Variants in MIGA2 observed in about 807,000 individuals in gnomAD.
MIGA2 encodes mitoguardin 2, also known as family with sequence similarity 73, member B.
Under a neutral mutation model 69.9 loss-of-function variants are expected in MIGA2, and 36 were observed. The ratio of observed to expected loss-of-function variants is 0.52; its 90% CI spans 0.39 to 0.68. The LOEUF is 0.68. Among genes scored for constraint, MIGA2 ranks in the 30% least tolerant of loss-of-function variants. MIGA2 has a pLI of 0.00. For synonymous variants in MIGA2, 333 were observed against 349.2 expected (o/e 0.95, Z 0.52); for missense variants, 660 against 787.7 (o/e 0.84, Z 1.94).
intron 4 of MIGA2, among the ~76,000 whole-genome samples, chr9:129,048,740 A>C (rs748614179): frequency 3.2e-4 from 49 of 152,172 alleles, no homozygotes; most frequent in Admixed American, 7.2e-4. Flanking sequence ...GCTGGTGCAG[A>C]GGAGAGAAAC....
intron 1 of MIGA2, among the ~76,000 whole-genome samples, chr9:129,037,659 C>A (rs1844666436): frequency 6.6e-6 from 1 of 152,140 alleles, no homozygotes; most frequent in Non-Finnish European, 1.5e-5. Context: ...ACAGCAGGGG[C>A]TGCTCTGGAC....
In MIGA2 at chr9:129,070,267, G is replaced by C. The variant is rs1029052484; in HGVS notation, c.1596G>C (p.Leu532=). Residue 532 remains leucine, a synonymous_variant, in exon 16 of 16, where the codon CTG becomes CTC. Transcript: ENST00000684074. The part of the protein sequence containing the change: ...AFFKHQIVQY[L]RDMFDLDNVR... Reference sequence around the variant, plus strand: ...CCCAGCACCAGATTGTGCAGTACCTGAGGGACATGTTCGACCTGGACAATG... The same window carrying C: ...CCCAGCACCAGATTGTGCAGTACCTCAGGGACATGTTCGACCTGGACAATG... 1.1e-5 allele frequency: 18 copies of C among 1,613,032 alleles called. No individual in the cohort carries two copies. Among genetic ancestry groups the C allele is most frequent in the Non-Finnish European group, 1.5e-5 (18 of 1,179,978 alleles).
chr9:129,039,092 A>G (rs1208078410), intron 1 of MIGA2, among the ~76,000 whole-genome samples: 1 of 150,684 alleles, frequency 6.6e-6, no homozygotes, highest in Non-Finnish European at 1.5e-5. Context: ...ACCCCAGCCA[A>G]CCTCACAAAA....
At chr9:129,040,246 G>T (rs1211129923) in intron 1 of MIGA2, among the ~76,000 whole-genome samples, 1 of 152,206 alleles carries the variant, frequency 6.6e-6, no homozygotes, top group Non-Finnish European at 1.5e-5. Context: ...GTTTCCGCTC[G>T]CAGGGCCCCT....
At chr9:129,056,243 T>C (rs894187141) in intron 6 of MIGA2, among the ~76,000 whole-genome samples, 10 of 152,204 alleles carry the variant, frequency 6.6e-5, no homozygotes, top group Admixed American at 5.9e-4. Flanking sequence ...ACATTAAATG[T>C]TGCACGTGGC....
rs1186572660 is a variant in MIGA2 at position 129,069,141 on chromosome 9, G to A, written c.1458+12G>A. On this transcript the variant is annotated intron_variant, in intron 14 of 15. Transcript: ENST00000684074. This position sits in a 1 kb window ranked among gnomAD's most constrained non-coding sequence, Gnocchi z 4.9. ...GGAGGCTGCTGATGGTGAGTGACTG[G>A]CAGGCCCGGGGGAGCACGAGCTGGG... 1.9e-6 allele frequency: 3 copies of A among 1,613,748 alleles called. No individual in the cohort carries two copies. The African/African-American group carries it at 4.0e-5, about 22-fold the overall frequency.
At chr9:129,048,859 TAG>T (rs993958092) in intron 4 of MIGA2, among the ~76,000 whole-genome samples, 3 of 152,022 alleles carry the variant, frequency 2.0e-5, no homozygotes, top group Non-Finnish European at 4.4e-5. Context: ...ACTGGAGGTG[TAG>T]AGATAAACAA....
At position 129,060,045 on chromosome 9, in the gene MIGA2, C is replaced by T. The variant is rs770204559; in HGVS notation, c.794-505C>T. Among the ~76,000 whole-genome samples, 2 of 152,184 alleles carry T rather than the reference C, an allele frequency of 1.3e-5. No homozygotes were observed. The highest frequency in any genetic ancestry group is 6.5e-5 in the Admixed American group (1 of 15,284). ...GGTCTGTGGCCTTTGCTTATTTGCTCGACAATCCTTTCCTGAGCACCCTTG... is the reference window on the plus strand; with the variant it reads ...GGTCTGTGGCCTTTGCTTATTTGCTTGACAATCCTTTCCTGAGCACCCTTG... On this transcript the variant is annotated intron_variant, in intron 7 of 15. Coordinates refer to ENST00000684074, the MANE Select transcript of MIGA2 (RefSeq NM_001329990.2). This position sits in a 1 kb window ranked among gnomAD's most constrained non-coding sequence, Gnocchi z 4.8.
Position 129,061,987 on chromosome 9 carries a change from T to C in MIGA2, c.1010+641T>C, listed in dbSNP as rs890828039. ...GTTATTATTAACTTTTTTGTATTAT[T>C]TTTATGTATTATGTATTATTATCTT... On this transcript the variant is annotated intron_variant, in intron 9 of 15. Transcript: ENST00000684074. The surrounding 1 kb of genome is among the most constrained non-coding windows in gnomAD (Gnocchi z 5.0). Among the ~76,000 whole-genome samples the C allele has an allele frequency of 1.3e-5, 2 of 152,086 alleles. No individual in the cohort carries two copies. The highest frequency in any genetic ancestry group is 1.3e-4 in the Admixed American group (2 of 15,266).
rs757412825 is a variant in MIGA2 at position 129,060,684 on chromosome 9, G to A, written c.894+34G>A. The A allele has an allele frequency of 3.9e-5, 59 of 1,531,708 alleles. No homozygotes were observed. The highest frequency in any genetic ancestry group is 5.8e-5 in the Admixed American group (3 of 51,310). The allele number at this position is 1,531,708 out of a possible 1,614,324, so 94.9% of individuals were successfully genotyped here. ...GGGTGGGGACCAAGCCTGGGGTGGGGTGAAGGCTGGGCCTCCTCTGCAGGT... is the reference window on the plus strand; with the variant it reads ...GGGTGGGGACCAAGCCTGGGGTGGGATGAAGGCTGGGCCTCCTCTGCAGGT... On this transcript the variant is annotated intron_variant, in intron 8 of 15. Coordinates refer to ENST00000684074, the MANE Select transcript of MIGA2 (RefSeq NM_001329990.2). The surrounding 1 kb of genome is among the most constrained non-coding windows in gnomAD (Gnocchi z 4.8).
intron 2 of MIGA2, among the ~76,000 whole-genome samples, chr9:129,041,675 G>A (rs1844913190): frequency 6.6e-6 from 1 of 152,106 alleles, no homozygotes. Flanking sequence ...TCTGTAAAAG[G>A]GGTCAGTGCC....
At chr9:129,039,185 GTGT>G (rs1844762762) in intron 1 of MIGA2, among the ~76,000 whole-genome samples, 2 of 143,040 alleles carry the variant, frequency 1.4e-5, no homozygotes, top group African/African-American at 5.7e-5. Context: ...TTGTGTGTGT[GTGT>G]GTGTGTGTGT....
At chr9:129,052,563 GC>G (rs1005897079) in intron 6 of MIGA2, among the ~76,000 whole-genome samples, 1 of 151,940 alleles carries the variant, frequency 6.6e-6, no homozygotes, top group African/African-American at 2.4e-5. Context: ...GACCAGTTGA[GC>G]CCAGGAATTT....
intron 6 of MIGA2, among the ~76,000 whole-genome samples, chr9:129,057,773 T>C (rs1194546010): frequency 6.6e-6 from 1 of 151,934 alleles, no homozygotes; most frequent in Non-Finnish European, 1.5e-5. Flanking sequence ...GCCCACCTAA[T>C]TTTTGTATTT....
At chr9:129,055,036 C>T (rs985201834) in intron 6 of MIGA2, among the ~76,000 whole-genome samples, 4 of 150,528 alleles carry the variant, frequency 2.7e-5, no homozygotes, top group African/African-American at 9.8e-5. Context: ...GGATTACAGG[C>T]GCACGTCACC....
chr9:129,062,880 GAC>G (rs2131383978), intron 9 of MIGA2, among the ~76,000 whole-genome samples: 1 of 152,268 alleles, frequency 6.6e-6, no homozygotes, highest in African/African-American at 2.4e-5. Flanking sequence ...AAATGAATCA[GAC>G]ACTGGCTGAA....
At position 129,061,374 on chromosome 9, in the gene MIGA2, G is replaced by T; in HGVS notation, c.1010+28G>T. ...GAGCAGGTGTGGAGGGAGGGAGGGA[G>T]GGAGCAGGAGGCGATGGGTGATTCT... On this transcript the variant is annotated intron_variant, in intron 9 of 15. Transcript: ENST00000684074. This position sits in a 1 kb window ranked among gnomAD's most constrained non-coding sequence, Gnocchi z 5.0. The T allele has an allele frequency of 2.6e-6, 4 of 1,531,206 alleles. No homozygotes were observed. The South Asian group carries it at 3.5e-5, about 13-fold the overall frequency. 94.9% of individuals were successfully genotyped at this position (1,531,206 alleles called of 1,614,324 possible). A position where few individuals can be genotyped will look rare whatever the true frequency, so the allele number is the denominator to read the frequency against.
intron 11 of MIGA2, among the ~76,000 whole-genome samples, chr9:129,067,304 C>T (rs1384749422): frequency 6.6e-6 from 1 of 152,238 alleles, no homozygotes; most frequent in Non-Finnish European, 1.5e-5. Context: ...CGAGAGCCTC[C>T]GTGCCGTGCA....
Position 129,069,554 on chromosome 9 carries a change from G to T in MIGA2, c.1459-295G>T. 1 of 529,526 alleles carries T rather than the reference G, an allele frequency of 1.9e-6. No homozygotes were observed. Among genetic ancestry groups the T allele is most frequent in the Admixed American group, 3.2e-5 (1 of 30,892 alleles). The allele number at this position is 529,526 out of a possible 1,614,324, so 32.8% of individuals were successfully genotyped here. On this transcript the variant is annotated intron_variant, in intron 14 of 15. Transcript: ENST00000684074. The surrounding 1 kb of genome is among the most constrained non-coding windows in gnomAD (Gnocchi z 4.9). The stretch of plus-strand genomic sequence containing the variant: ...GGCCTGTGGTTTGTCGTTCCCCTCT[G>T]CGGGCCAGGCTCTGTTGCCTAGCTG...
Sources: gnomAD v4.1 joint callset for allele counts (sites outside exome capture counted in the v4.1 genomes callset) on GRCh38, gnomAD v4.1.1 for gene constraint, Gnocchi (gnomAD v3.1) non-coding constraint, MANE v1.5 for transcripts, NCBI Gene and HGNC (gene_info 2026-07-23, HGNC 2026-07-21) for gene names.